The following KIAA0825 variants were observed in gnomAD, a reference collection of about 807,000 sequenced individuals.
KIAA0825 encodes the protein uncharacterized protein KIAA0825.
A neutral mutation model predicts 147.6 loss-of-function variants in KIAA0825; 119 were observed. The observed-to-expected ratio is 0.81, with a 90% CI of 0.69 to 0.94. The LOEUF (loss-of-function observed/expected upper bound fraction) is 0.94. Among genes scored for constraint, KIAA0825 ranks in the 40% least tolerant of loss-of-function variants. The pLI, the probability that KIAA0825 is intolerant of heterozygous loss-of-function variation, is 0.00. For missense variants in KIAA0825, 1,381 were observed against 1,472.7 expected, an observed-to-expected ratio of 0.94 and a Z score of 1.02; for synonymous variants, 470 against 518.1, an observed-to-expected ratio of 0.91 and a Z score of 1.26.
intron 15 of KIAA0825, chr5:94,415,438 G>A (rs908750622): frequency 3.3e-5 from 5 of 151,752 alleles, no homozygotes; most frequent in East Asian, 1.9e-4. Flanking sequence ...GCTTAATTTC[G>A]TTATGAATTA....
chr5:94,189,430 T>G (rs1320975798), intron 20 of KIAA0825, among the ~76,000 whole-genome samples: 1 of 152,200 alleles, frequency 6.6e-6, no homozygotes, highest in Non-Finnish European at 1.5e-5. Context: ...AAATTCATTT[T>G]AAGTTAATCT....
chr5:94,224,316 G>A (rs974081252), intron 20 of KIAA0825, among the ~76,000 whole-genome samples: 16 of 151,198 alleles, frequency 1.1e-4, no homozygotes, highest in African/African-American at 3.6e-4. Context: ...GGCTGGTCTC[G>A]AACTCCTGAC....
intron 20 of KIAA0825, among the ~76,000 whole-genome samples, chr5:94,171,284 G>A (rs543011382): frequency 8.5e-5 from 13 of 152,166 alleles, no homozygotes; most frequent in South Asian, 2.1e-4. Context: ...TTTGCCTGCC[G>A]CCATCCTTGT....
At chr5:94,537,808 C>T (rs1043400855) in intron 2 of KIAA0825, among the ~76,000 whole-genome samples, 1 of 152,108 alleles carries the variant, frequency 6.6e-6, no homozygotes, top group Non-Finnish European at 1.5e-5. Flanking sequence ...TCAATACCTT[C>T]CCTCAACCTT....
chr5:94,155,206 TTTC>T (rs1766921558), intron 20 of KIAA0825, among the ~76,000 whole-genome samples: 1 of 149,486 alleles, frequency 6.7e-6, no homozygotes, highest in Non-Finnish European at 1.5e-5. Flanking sequence ...GCAACTGTAT[TTTC>T]TTTCTTTTTT....
At chr5:94,343,458 A>C (rs1782649315) in intron 20 of KIAA0825, among the ~76,000 whole-genome samples, 1 of 152,188 alleles carries the variant, frequency 6.6e-6, no homozygotes, top group Non-Finnish European at 1.5e-5. Flanking sequence ...TGGGAGGCAG[A>C]GGTGGGTGGA....
chr5:94,563,218 C>T (rs185441105), intron 2 of KIAA0825, among the ~76,000 whole-genome samples: 120 of 150,760 alleles, frequency 8.0e-4, no homozygotes, highest in African/African-American at 2.7e-3. Flanking sequence ...ATCAGCTGGG[C>T]GTGGTGGTGG....
At chr5:94,298,521 C>T (rs1057017129) in intron 20 of KIAA0825, among the ~76,000 whole-genome samples, 2 of 152,148 alleles carry the variant, frequency 1.3e-5, no homozygotes, top group African/African-American at 4.8e-5. Context: ...CGTAAGCACT[C>T]TTCATTTCGG....
At chr5:94,434,682 A>G (rs1388838885) in intron 14 of KIAA0825, among the ~76,000 whole-genome samples, 1 of 152,224 alleles carries the variant, frequency 6.6e-6, no homozygotes, top group Non-Finnish European at 1.5e-5. Flanking sequence ...CCAGCATCTA[A>G]TGAGGATCAT....
intron 2 of KIAA0825, chr5:94,567,486 A>G (rs1365070901): frequency 6.6e-6 from 1 of 152,150 alleles, no homozygotes; most frequent in African/African-American, 2.4e-5. Context: ...CAATTTTTCA[A>G]ATATCTACTT....
intron 17 of KIAA0825, among the ~76,000 whole-genome samples, chr5:94,393,019 C>G (rs915778638): frequency 1.3e-5 from 2 of 151,698 alleles, no homozygotes; most frequent in Non-Finnish European, 2.9e-5. Flanking sequence ...TTTGTAGAGG[C>G]TGACATTGAA....
intron 2 of KIAA0825, among the ~76,000 whole-genome samples, chr5:94,555,217 A>T (rs753977216): frequency 6.6e-6 from 1 of 152,150 alleles, no homozygotes; most frequent in Non-Finnish European, 1.5e-5. Flanking sequence ...TTAATGTTTT[A>T]GCCTTCCCCC....
Position 94,152,854 on chromosome 5 carries a change from AATTATATATATAT to A in KIAA0825, c.*1140_*1152del, listed in dbSNP as rs1766643523. ...AAAAAAAAAAAAAAAAAAAAAAAAA[AATTATATATATAT>A]ATATATATATATATATATATATATA... On this transcript the variant is annotated 3_prime_UTR_variant, in exon 21 of 21. Transcript: ENST00000682413. 2 of 10,112 alleles carry A rather than the reference AATTATATATATAT, an allele frequency of 2.0e-4. No homozygotes were observed. The highest frequency in any genetic ancestry group is 3.4e-4 in the African/African-American group (1 of 2,958). 0.6% of individuals were successfully genotyped at this position (10,112 alleles called of 1,614,324 possible).
At chr5:94,408,887 C>A (rs1221595632) in intron 15 of KIAA0825, among the ~76,000 whole-genome samples, 1 of 152,064 alleles carries the variant, frequency 6.6e-6, no homozygotes, top group African/African-American at 2.4e-5. Context: ...CACAATTGTG[C>A]AAAATAATTA....
intron 2 of KIAA0825, among the ~76,000 whole-genome samples, chr5:94,539,283 C>T (rs1202191592): frequency 2.0e-5 from 3 of 152,148 alleles, no homozygotes; most frequent in African/African-American, 7.2e-5. Flanking sequence ...AATGGGCAAC[C>T]AGCAGCCCAT....
intron 14 of KIAA0825, among the ~76,000 whole-genome samples, chr5:94,431,456 C>A (rs913109625): frequency 6.6e-6 from 1 of 152,180 alleles, no homozygotes; most frequent in Admixed American, 6.5e-5. Context: ...AACTATCCCT[C>A]CCCTCCTAAA....
chr5:94,533,584 T>C (rs78671494), intron 3 of KIAA0825, among the ~76,000 whole-genome samples: 225 of 152,262 alleles, frequency 1.5e-3, no homozygotes, highest in African/African-American at 5.2e-3. Flanking sequence ...CTATGCTGTG[T>C]CATATTGTGA....
chr5:94,596,027 C>A (rs1233768794), intron 1 of KIAA0825, among the ~76,000 whole-genome samples: 2 of 152,182 alleles, frequency 1.3e-5, no homozygotes, highest in African/African-American at 4.8e-5. Context: ...AATATTTTCT[C>A]CCACTCTGCA....
intron 5 of KIAA0825, among the ~76,000 whole-genome samples, chr5:94,497,701 C>T (rs1251422023): frequency 6.6e-6 from 1 of 152,204 alleles, no homozygotes; most frequent in East Asian, 1.9e-4. Context: ...TGAAAGTACA[C>T]TATGTTGGTA....
Sources: gnomAD v4.1 joint callset for allele counts (sites outside exome capture counted in the v4.1 genomes callset) on GRCh38, gnomAD v4.1.1 for gene constraint, MANE v1.5 for transcripts, NCBI Gene and HGNC (gene_info 2026-07-23, HGNC 2026-07-21) for gene names.